The following KCNQ1 variants were observed in gnomAD, a reference collection of about 807,000 sequenced individuals.
KCNQ1 encodes the protein potassium voltage-gated channel subfamily KQT member 1.
A neutral mutation model predicts 72.4 loss-of-function variants in KCNQ1; 49 were observed. That is an observed-to-expected ratio of 0.68 (90% CI 0.54 to 0.86). The LOEUF is 0.86. Ranked by LOEUF, KCNQ1 falls within the 40% of genes least tolerant of loss-of-function variation. The pLI is 0.00. For missense variants in KCNQ1, 790 were observed against 945.1 expected, an observed-to-expected ratio of 0.84 and a Z score of 2.15; for synonymous variants, 450 against 412.6, an observed-to-expected ratio of 1.09 and a Z score of -1.10.
chr11:2,841,521 C>T (rs749216798), intron 15 of KCNQ1, among the ~76,000 whole-genome samples: 29 of 152,320 alleles, frequency 1.9e-4, no homozygotes, highest in Non-Finnish European at 2.1e-4. Context: ...GCCACAGACA[C>T]CAGGTGCACA....
At position 2,555,590 on chromosome 11, in the gene KCNQ1, G is replaced by A. The variant is rs565373653; in HGVS notation, c.478-15038G>A. On this transcript the variant is annotated intron_variant, in intron 2 of 15. Transcript: ENST00000155840. ...CGGCTTGGGCCACTCCTGTGTGTGCGGGGCCCTGGGTATGATTCCTGGGAG... is the reference window on the plus strand; with the variant it reads ...CGGCTTGGGCCACTCCTGTGTGTGCAGGGCCCTGGGTATGATTCCTGGGAG... Among the ~76,000 whole-genome samples the A allele has an allele frequency of 3.9e-5, 6 of 152,360 alleles. No homozygotes were observed. In the East Asian group the frequency reaches 1.2e-3, roughly 29 times the overall value.
chr11:2,459,595 C>T (rs539615161), intron 1 of KCNQ1, among the ~76,000 whole-genome samples: 14 of 152,230 alleles, frequency 9.2e-5, no homozygotes, highest in Admixed American at 2.0e-4. Context: ...CTAAGCCAAC[C>T]GGGCAGGGAC....
rs1480293459 is a variant in KCNQ1 at position 2,471,727 on chromosome 11, CGT to C, written c.386+26248_386+26249del. On this transcript the variant is annotated intron_variant, in intron 1 of 15. Coordinates refer to ENST00000155840, the MANE Select transcript of KCNQ1 (RefSeq NM_000218.3). The surrounding 1 kb of genome is among the most constrained non-coding windows in gnomAD (Gnocchi z 4.8). ...ATAGGTGTGTGTATGTGTGCATGGG[CGT>C]GTGTATGTGTGCATGGGCGTGTGTG... Among the ~76,000 whole-genome samples the C allele has an allele frequency of 7.4e-6, 1 of 135,128 alleles. No individual in the cohort carries two copies. Among genetic ancestry groups the C allele is most frequent in the Non-Finnish European group, 1.5e-5 (1 of 65,436 alleles). 88.6% of individuals were successfully genotyped at this position (135,128 alleles called of 152,430 possible).
rs1467137636 is a variant in KCNQ1, at chr11:2,658,795, C to T, written c.1394-3166C>T. On this transcript the variant is annotated intron_variant, in intron 10 of 15. Coordinates refer to ENST00000155840, the MANE Select transcript of KCNQ1 (RefSeq NM_000218.3). This position sits in a 1 kb window ranked among gnomAD's most constrained non-coding sequence, Gnocchi z 4.9. ...CATTTCTGACCAGAGTTCATCCTTGCCCCCTCCCCCACAACTTATTTATAG... is the reference window on the plus strand; with the variant it reads ...CATTTCTGACCAGAGTTCATCCTTGTCCCCTCCCCCACAACTTATTTATAG... The T allele has an allele frequency of 5.0e-6, 2 of 398,378 alleles. No individual in the cohort carries two copies. The highest frequency in any genetic ancestry group is 7.1e-5 in the East Asian group (2 of 28,080). The allele number at this position is 398,378 out of a possible 1,614,324, so 24.7% of individuals were successfully genotyped here.
Position 2,535,936 on chromosome 11 carries a change from G to A in KCNQ1, c.477+7918G>A, listed in dbSNP as rs180709655. On this transcript the variant is annotated intron_variant, in intron 2 of 15. Coordinates refer to ENST00000155840, the MANE Select transcript of KCNQ1 (RefSeq NM_000218.3). ...GCTTCAGGGTGTGGGATGCACAGCTGGGGGCAGGGGCGCTGCTGAAGCCAC... is the reference window on the plus strand; with the variant it reads ...GCTTCAGGGTGTGGGATGCACAGCTAGGGGCAGGGGCGCTGCTGAAGCCAC... Among the ~76,000 whole-genome samples the A allele has an allele frequency of 2.5e-3, 386 of 152,320 alleles. 2 individuals are homozygous for A. The highest frequency in any genetic ancestry group is 8.8e-3 in the African/African-American group (368 of 41,584).
chr11:2,608,502 G>GTC lies in KCNQ1; in HGVS notation c.1393+19656_1393+19657dup. The GTC allele has an allele frequency of 5.0e-6, 2 of 398,460 alleles. No individual in the cohort carries two copies. Among genetic ancestry groups the GTC allele is most frequent in the Non-Finnish European group, 8.8e-6 (2 of 226,044 alleles). The allele number at this position is 398,460 out of a possible 1,614,324, so 24.7% of individuals were successfully genotyped here. A position where few individuals can be genotyped will look rare whatever the true frequency, so the allele number is the denominator to read the frequency against. On this transcript the variant is annotated intron_variant, in intron 10 of 15. Transcript: ENST00000155840. The surrounding 1 kb of genome is among the most constrained non-coding windows in gnomAD (Gnocchi z 4.6). ...TTTCCTTTTCTTTTTGAGAAACAGAGTCTCTCTCTGTTGCCCAGGCTGGAA... is the reference window on the plus strand; with the variant it reads ...TTTCCTTTTCTTTTTGAGAAACAGAGTCTCTCTCTCTGTTGCCCAGGCTGGAA...
rs1848258814 is a variant in KCNQ1 at position 2,567,044 on chromosome 11, A to C, written c.478-3584A>C. Among the ~76,000 whole-genome samples, 8 of 147,408 alleles carry C rather than the reference A, an allele frequency of 5.4e-5. No homozygotes were observed. Among genetic ancestry groups the C allele is most frequent in the South Asian group, 2.2e-4 (1 of 4,446 alleles). On this transcript the variant is annotated intron_variant, in intron 2 of 15. Transcript: ENST00000155840. The surrounding 1 kb of genome is among the most constrained non-coding windows in gnomAD (Gnocchi z 6.6). The stretch of plus-strand genomic sequence containing the variant: ...TGAGGAGGCAGGGGTGCCCCAGGGA[A>C]TGGGGGGCACCTGGGGCCCACGGGA...
rs1264509528 is a variant in KCNQ1 at position 2,720,981 on chromosome 11, A to G, written c.1515-47863A>G. On this transcript the variant is annotated intron_variant, in intron 11 of 15. Coordinates refer to ENST00000155840, the MANE Select transcript of KCNQ1 (RefSeq NM_000218.3). This position sits in a 1 kb window ranked among gnomAD's most constrained non-coding sequence, Gnocchi z 5.1. ...CAGATTTCCAGGGACTCGGGCAGGC[A>G]CAGCTTTCCAGGCCAGAGCCATGGA... 1.3e-5 allele frequency among the ~76,000 whole-genome samples: 2 copies of G among 152,136 alleles called. No individual in the cohort carries two copies. Among genetic ancestry groups the G allele is most frequent in the Non-Finnish European group, 2.9e-5 (2 of 68,028 alleles).
At position 2,712,421 on chromosome 11, in the gene KCNQ1, C is replaced by A. The variant is rs1851021428; in HGVS notation, c.1514+50340C>A. ...GCCTGGGGGATGTTAGACTCACCAG[C>A]CATCCCCTGGAAAGCTGTGGGGAGA... On this transcript the variant is annotated intron_variant, in intron 11 of 15. Transcript: ENST00000155840. The surrounding 1 kb of genome is among the most constrained non-coding windows in gnomAD (Gnocchi z 6.4). Among the ~76,000 whole-genome samples the A allele has an allele frequency of 6.6e-6, 1 of 152,130 alleles. No individual in the cohort carries two copies. Among genetic ancestry groups the A allele is most frequent in the African/African-American group, 2.4e-5 (1 of 41,428 alleles).
rs113590881 is a variant in KCNQ1, at chr11:2,703,972, G to A, written c.1514+41891G>A. ...GCTGCTCTCAGGAGTGGACAGGAAC[G>A]TGGGGGAGTGGGGGTGGTTAGGACC... On this transcript the variant is annotated intron_variant, in intron 11 of 15. Transcript: ENST00000155840. The surrounding 1 kb of genome is among the most constrained non-coding windows in gnomAD (Gnocchi z 6.4). Among the ~76,000 whole-genome samples the A allele has an allele frequency of 0.013, 2,013 of 152,188 alleles. 22 individuals carry two copies. Among genetic ancestry groups the A allele is most frequent in the Non-Finnish European group, 0.021 (1,441 of 67,990 alleles).
intron 10 of KCNQ1, chr11:2,648,790 A>G (rs1334786056): frequency 1.5e-5 from 6 of 398,382 alleles, no homozygotes; most frequent in African/African-American, 2.1e-5. Context: ...GAATTGTCCA[A>G]TGCTGAGTAT....
In KCNQ1 at chr11:2,458,683, G is replaced by C. The variant is rs148830412; in HGVS notation, c.386+13199G>C. ...TGGATGGATGGATGGATGGATGGAT[G>C]GATCGATCGATCTCACCAAGCCTCG... On this transcript the variant is annotated intron_variant, in intron 1 of 15. Transcript: ENST00000155840. The surrounding 1 kb of genome is among the most constrained non-coding windows in gnomAD (Gnocchi z 4.6). Among the ~76,000 whole-genome samples, 1,389 of 127,260 alleles carry C rather than the reference G, an allele frequency of 0.011. 13 individuals are homozygous for C. The highest frequency in any genetic ancestry group is 0.035 in the African/African-American group (1,085 of 31,146). 83.5% of individuals were successfully genotyped at this position (127,260 alleles called of 152,430 possible). A position where few individuals can be genotyped will look rare whatever the true frequency, so the allele number is the denominator to read the frequency against.
Position 2,671,781 on chromosome 11 carries a change from A to T in KCNQ1, c.1514+9700A>T. ...TACATGCATGCACATAATCATTCTG[A>T]CCCAGTCAGGGTTCTTCCCCCAAAT... On this transcript the variant is annotated intron_variant, in intron 11 of 15. Coordinates refer to ENST00000155840, the MANE Select transcript of KCNQ1 (RefSeq NM_000218.3). This position sits in a 1 kb window ranked among gnomAD's most constrained non-coding sequence, Gnocchi z 4.7. The T allele has an allele frequency of 2.5e-6, 1 of 398,696 alleles. No homozygotes were observed. 24.7% of individuals were successfully genotyped at this position (398,696 alleles called of 1,614,324 possible).
chr11:2,610,940 T>C (rs1326118323), intron 10 of KCNQ1: 1 of 398,270 alleles, frequency 2.5e-6, no homozygotes, highest in Non-Finnish European at 4.4e-6. Context: ...CTCTGAATAA[T>C]TGATAGAACA....
At chr11:2,572,449 C>T (rs931187264) in intron 5 of KCNQ1, among the ~76,000 whole-genome samples, 12 of 152,320 alleles carry the variant, frequency 7.9e-5, no homozygotes, top group South Asian at 2.1e-4. Flanking sequence ...GACTCCCTCC[C>T]GAGGGCTGCA....
In KCNQ1 at chr11:2,549,653, C is replaced by T. The variant is rs1003606444; in HGVS notation, c.478-20975C>T. Among the ~76,000 whole-genome samples the T allele has an allele frequency of 4.6e-5, 7 of 151,860 alleles. No individual in the cohort carries two copies. The highest frequency in any genetic ancestry group is 2.6e-4 in the Admixed American group (4 of 15,264). ...TAGGGGCGTGGGGGGGCCTCCTCCT[C>T]CCAAGCACCTGGGGTGGGAACAAGA... On this transcript the variant is annotated intron_variant, in intron 2 of 15. Coordinates refer to ENST00000155840, the MANE Select transcript of KCNQ1 (RefSeq NM_000218.3). This position sits in a 1 kb window ranked among gnomAD's most constrained non-coding sequence, Gnocchi z 6.2.
chr11:2,572,983 G>A lies in KCNQ1; in HGVS notation c.918G>A (p.Gly306=). 3 of 1,612,906 alleles carry A rather than the reference G, an allele frequency of 1.9e-6. No individual in the cohort carries two copies. Among genetic ancestry groups the A allele is most frequent in the Non-Finnish European group, 2.5e-6 (3 of 1,179,388 alleles). ...GCTACGCAGATGCGCTGTGGTGGGG[G>A]GTGGTAAGTCGGAAACTTCCAGGCA... ...FGSYADALWW[G]VVTVTTIGYG... is the part of the protein sequence containing the mutation. The change falls in exon 6 of 16, where the codon GGG becomes GGA. Residue 306 remains glycine (G), a synonymous_variant. Transcript: ENST00000155840.
At chr11:2,574,354 C>A (rs571637013) in intron 6 of KCNQ1, among the ~76,000 whole-genome samples, 1 of 151,734 alleles carries the variant, frequency 6.6e-6, no homozygotes, top group Non-Finnish European at 1.5e-5. Context: ...TCACTCAGTC[C>A]GATAACAGGT....
At chr11:2,553,554 A>G (rs1056869595) in intron 2 of KCNQ1, among the ~76,000 whole-genome samples, 1 of 152,172 alleles carries the variant, frequency 6.6e-6, no homozygotes, top group East Asian at 1.9e-4. Flanking sequence ...TCTCAATCAA[A>G]TTCTTTCTTA....
Sources: gnomAD v4.1 joint callset for allele counts (sites outside exome capture counted in the v4.1 genomes callset) on GRCh38, gnomAD v4.1.1 for gene constraint, Gnocchi (gnomAD v3.1) non-coding constraint, MANE v1.5 for transcripts, NCBI Gene and HGNC (gene_info 2026-07-23, HGNC 2026-07-21) for gene names.